STK24: variants seen among roughly 807,000 people sequenced by gnomAD.
The protein encoded by STK24 is serine/threonine-protein kinase 24.
In STK24, 21 loss-of-function variants were observed where a neutral mutation model predicts 55.6. The observed-to-expected ratio is 0.38, with a 90% CI of 0.27 to 0.54. The LOEUF (loss-of-function observed/expected upper bound fraction) is 0.54. Among genes scored for constraint, STK24 ranks in the 20% least tolerant of loss-of-function variants. STK24 has a pLI of 0.79. For missense variants in STK24, 383 were observed against 538.4 expected, an observed-to-expected ratio of 0.71 and a Z score of 2.86; for synonymous variants, 200 against 215.2, an observed-to-expected ratio of 0.93 and a Z score of 0.62.
At chr13:98,517,485 G>A (rs1337975905) in intron 2 of STK24, among the ~76,000 whole-genome samples, 1 of 152,142 alleles carries the variant, frequency 6.6e-6, no homozygotes, top group Non-Finnish European at 1.5e-5. Context: ...AATTAGCCGG[G>A]CACGGTGGTT....
intron 1 of STK24, among the ~76,000 whole-genome samples, chr13:98,554,742 C>T (rs1448943403): frequency 2.0e-5 from 3 of 152,116 alleles, no homozygotes; most frequent in Non-Finnish European, 1.5e-5. Flanking sequence ...AGGCCAGGCG[C>T]GGTGGCTCAC....
chr13:98,533,122 T>C (rs1181152416), intron 1 of STK24, among the ~76,000 whole-genome samples: 1 of 152,240 alleles, frequency 6.6e-6, no homozygotes, highest in Non-Finnish European at 1.5e-5. Flanking sequence ...CTCACGCCTA[T>C]AATCCCAGCA....
At chr13:98,513,130 G>A (rs963309236) in intron 2 of STK24, among the ~76,000 whole-genome samples, 4 of 152,168 alleles carry the variant, frequency 2.6e-5, no homozygotes, top group East Asian at 3.9e-4. Flanking sequence ...GCCAGCCCAC[G>A]CAGGGTGGAC....
chr13:98,535,398 TACACACACACACACACACACACAC>T (rs56768700), intron 1 of STK24, among the ~76,000 whole-genome samples: 13 of 142,730 alleles, frequency 9.1e-5, no homozygotes, highest in Non-Finnish European at 1.8e-4. Flanking sequence ...TATGTGTGTA[TACACACACACACACACACACACAC>T]ACACACACAC....
chr13:98,543,070 G>A (rs1159190643), intron 1 of STK24: 1 of 977,152 alleles, frequency 1.0e-6, no homozygotes, highest in Non-Finnish European at 1.2e-6. Context: ...AAAGGCCAAG[G>A]GAGGGGGGAG....
At position 98,460,806 on chromosome 13, in the gene STK24, G is replaced by A. The variant is rs560009892; in HGVS notation, c.1054-366C>T. Among the ~76,000 whole-genome samples the A allele has an allele frequency of 9.9e-5, 15 of 152,100 alleles. 1 individual carries two copies. The highest frequency in any genetic ancestry group is 2.7e-4 in the African/African-American group (11 of 41,494). ...TGTCATTCCAACACTTTGGGAAGCC[G>A]AAGCAGGAGGATCACTTGAGCCCAA... On this transcript the variant is annotated intron_variant, in intron 8 of 10. Coordinates refer to ENST00000539966, the MANE Select transcript of STK24 (RefSeq NM_001032296.4).
intron 2 of STK24, among the ~76,000 whole-genome samples, chr13:98,490,220 C>T (rs1358576528): frequency 6.6e-6 from 1 of 152,186 alleles, no homozygotes; most frequent in Admixed American, 6.5e-5. Context: ...CTCCTGTGTG[C>T]ACAGATATAA....
At chr13:98,575,404 T>TACACACACAC (rs143143374) in intron 1 of STK24, among the ~76,000 whole-genome samples, 86 of 146,842 alleles carry the variant, frequency 5.9e-4, no homozygotes, top group African/African-American at 2.1e-3. Flanking sequence ...ACTGCTTATA[T>TACACACACAC]ATACACACAC....
At chr13:98,522,676 C>T (rs578114837) in intron 1 of STK24, among the ~76,000 whole-genome samples, 10 of 152,222 alleles carry the variant, frequency 6.6e-5, no homozygotes, top group South Asian at 2.1e-4. Context: ...CTCTGCTCTG[C>T]GCTGTCTCCT....
intron 2 of STK24, 72 bp downstream of exon 2, chr13:98,519,171 G>T: frequency 1.6e-6 from 2 of 1,235,682 alleles, no homozygotes; most frequent in Non-Finnish European, 1.2e-6. Context: ...TCCTATCAGA[G>T]TCCTTCCCAT....
At chr13:98,481,938 G>GTGGTGGC (rs1894599409) in intron 3 of STK24, among the ~76,000 whole-genome samples, 1 of 152,008 alleles carries the variant, frequency 6.6e-6, no homozygotes, top group Non-Finnish European at 1.5e-5. Context: ...GTGGTGGCAT[G>GTGGTGGC]CACCTGTAGT....
intron 1 of STK24, among the ~76,000 whole-genome samples, chr13:98,535,398 T>TACACACACAC (rs56768700): frequency 4.9e-5 from 7 of 142,730 alleles, no homozygotes; most frequent in Admixed American, 2.1e-4. Flanking sequence ...TATGTGTGTA[T>TACACACACAC]ACACACACAC....
intron 1 of STK24, chr13:98,521,894 C>G (rs1437288248): frequency 2.2e-6 from 2 of 906,582 alleles, no homozygotes; most frequent in South Asian, 1.3e-5. Flanking sequence ...TAACCCCCTT[C>G]TCGCTCCTTC....
chr13:98,512,860 G>A (rs182159835), intron 2 of STK24, among the ~76,000 whole-genome samples: 20 of 152,344 alleles, frequency 1.3e-4, no homozygotes, highest in Admixed American at 6.5e-4. Context: ...ACTCCACTCA[G>A]TGAGGGAGGG....
At chr13:98,563,713 A>G (rs1397251400) in intron 1 of STK24, among the ~76,000 whole-genome samples, 1 of 151,834 alleles carries the variant, frequency 6.6e-6, no homozygotes, top group Non-Finnish European at 1.5e-5. Flanking sequence ...AAAAAAAATT[A>G]GCCGGGCGTG....
At chr13:98,526,259 T>G (rs1896425601) in intron 1 of STK24, among the ~76,000 whole-genome samples, 1 of 152,200 alleles carries the variant, frequency 6.6e-6, no homozygotes, top group Admixed American at 6.5e-5. Flanking sequence ...GATGCAAAAT[T>G]GTTGTCTCAG....
chr13:98,448,338 C>T lies in STK24; in HGVS notation c.*4835G>A, dbSNP rs369830552. On this transcript the variant is annotated 3_prime_UTR_variant, in exon 11 of 11. Coordinates refer to ENST00000539966, the MANE Select transcript of STK24 (RefSeq NM_001032296.4). ...ATTGATGGCCGGACACACTCGTTTC[C>T]GCAGTGGCTGCTTTCCTGGAAGACG... The T allele has an allele frequency of 5.9e-5, 92 of 1,563,696 alleles. 1 individual carries two copies. Among genetic ancestry groups the T allele is most frequent in the Non-Finnish European group, 7.7e-5 (87 of 1,134,024 alleles).
chr13:98,519,622 A>G (rs1314795461), intron 1 of STK24, 149 bp from the exon 2 acceptor site: 1 of 670,176 alleles, frequency 1.5e-6, no homozygotes, highest in East Asian at 2.6e-5. Context: ...TGGTGACCAC[A>G]GCTCTGCAGG....
Position 98,483,794 on chromosome 13 carries a change from C to T in STK24, c.274-1473G>A, listed in dbSNP as rs75326043. On this transcript the variant is annotated intron_variant, in intron 2 of 10. Coordinates refer to ENST00000539966, the MANE Select transcript of STK24 (RefSeq NM_001032296.4). Reference sequence around the variant, plus strand: ...ACCCTGTGACCAAGGAAGAGTAACTCGTGTTGACTCTAGGGAGGCGCTAAC... The same window carrying T: ...ACCCTGTGACCAAGGAAGAGTAACTTGTGTTGACTCTAGGGAGGCGCTAAC... 9.8e-4 allele frequency among the ~76,000 whole-genome samples: 150 copies of T among 152,296 alleles called. 1 individual carries two copies. The highest frequency in any genetic ancestry group is 3.5e-3 in the East Asian group (18 of 5,190).
Sources: gnomAD v4.1 joint callset for allele counts (sites outside exome capture counted in the v4.1 genomes callset) on GRCh38, gnomAD v4.1.1 for gene constraint, MANE v1.5 for transcripts, NCBI Gene and HGNC (gene_info 2026-07-23, HGNC 2026-07-21) for gene names.